POFUT3: variants seen among roughly 807,000 people sequenced by gnomAD.
The protein encoded by POFUT3 is protein O-fucosyltransferase 3, also known as GDP-fucose protein O-fucosyltransferase 3.
the POFUT3 span, among the ~76,000 whole-genome samples, chr8:33,456,459 G>A: frequency 6.6e-6 from 1 of 152,120 alleles, no homozygotes; most frequent in East Asian, 1.9e-4. Context: ...CCGAGTTCAA[G>A]TGATTCTCCT....
chr8:33,389,052 C>A, the POFUT3 span: 1 of 1,614,204 alleles, frequency 6.2e-7, no homozygotes, highest in Non-Finnish European at 8.5e-7. Context: ...ACGTCTTGCA[C>A]TCCCCATTTC....
At chr8:33,316,246 G>A in the POFUT3 span, among the ~76,000 whole-genome samples, 1 of 152,004 alleles carries the variant, frequency 6.6e-6, no homozygotes, top group Non-Finnish European at 1.5e-5. Context: ...GAGAATCCTG[G>A]GGTCAGGAGA....
the POFUT3 span, among the ~76,000 whole-genome samples, chr8:33,440,240 T>C: frequency 3.9e-5 from 6 of 152,142 alleles, no homozygotes; most frequent in African/African-American, 1.2e-4. Flanking sequence ...CATGCGCCTA[T>C]AGTCCTAGCT....
the POFUT3 span, among the ~76,000 whole-genome samples, chr8:33,322,290 G>C: frequency 6.6e-6 from 1 of 152,102 alleles, no homozygotes; most frequent in African/African-American, 2.4e-5. Flanking sequence ...ATTAACATGT[G>C]TAAGACACAG....
chr8:33,376,034 A>AG, the POFUT3 span, among the ~76,000 whole-genome samples: 3 of 151,678 alleles, frequency 2.0e-5, no homozygotes, highest in Non-Finnish European at 2.9e-5. Context: ...AAAAAAAAAA[A>AG]CAACAGGAAA....
chr8:33,458,403 G>C, the POFUT3 span, among the ~76,000 whole-genome samples: 3 of 152,164 alleles, frequency 2.0e-5, no homozygotes, highest in Non-Finnish European at 4.4e-5. Context: ...ATATGGCAAA[G>C]TATTTCATTT....
At chr8:33,363,787 C>G in the POFUT3 span, among the ~76,000 whole-genome samples, 1 of 152,016 alleles carries the variant, frequency 6.6e-6, no homozygotes, top group African/African-American at 2.4e-5. Flanking sequence ...AATAGCTTAC[C>G]AACCAAAAAA....
the POFUT3 span, among the ~76,000 whole-genome samples, chr8:33,375,959 G>A: frequency 5.3e-5 from 8 of 151,072 alleles, no homozygotes; most frequent in African/African-American, 1.9e-4. Context: ...AGAGGTTACA[G>A]TGAGCCAAGA....
At chr8:33,461,187 A>G in the POFUT3 span, among the ~76,000 whole-genome samples, 2 of 114,168 alleles carry the variant, frequency 1.8e-5, no homozygotes, top group Non-Finnish European at 3.4e-5. Context: ...GGAAGGAAGG[A>G]AGGAAGGGAG....
At chr8:33,375,277 A>C in the POFUT3 span, among the ~76,000 whole-genome samples, 1 of 152,164 alleles carries the variant, frequency 6.6e-6, no homozygotes, top group East Asian at 1.9e-4. Flanking sequence ...CAAGAGAATA[A>C]ACTAAGAAAA....
the POFUT3 span, among the ~76,000 whole-genome samples, chr8:33,440,592 A>T: frequency 6.6e-6 from 1 of 152,192 alleles, no homozygotes; most frequent in African/African-American, 2.4e-5. Context: ...ATTATCCCAA[A>T]TCATAACTAT....
the POFUT3 span, among the ~76,000 whole-genome samples, chr8:33,366,985 T>C: frequency 6.6e-6 from 1 of 152,154 alleles, no homozygotes; most frequent in Non-Finnish European, 1.5e-5. Context: ...GGCTCATGCC[T>C]GTAATCCTAG....
the POFUT3 span, among the ~76,000 whole-genome samples, chr8:33,408,574 G>A: frequency 6.6e-6 from 1 of 152,080 alleles, no homozygotes; most frequent in Non-Finnish European, 1.5e-5. Flanking sequence ...ATGATGCTCA[G>A]CCTGGTCTTA....
the POFUT3 span, among the ~76,000 whole-genome samples, chr8:33,318,618 T>C: frequency 1.1e-5 from 1 of 89,902 alleles, no homozygotes; most frequent in African/African-American, 5.9e-5. Context: ...ATATTGTATA[T>C]ATATTTATAT....
the POFUT3 span, among the ~76,000 whole-genome samples, chr8:33,442,609 A>C: frequency 6.7e-6 from 1 of 148,550 alleles, no homozygotes; most frequent in African/African-American, 2.5e-5. Context: ...TAACCAAAAA[A>C]AGGCTACCAG....
chr8:33,456,790 G>A, the POFUT3 span, among the ~76,000 whole-genome samples: 2 of 132,038 alleles, frequency 1.5e-5, no homozygotes, highest in African/African-American at 2.9e-5. Context: ...TTTTTTTTGA[G>A]ACAGAGTCTC....
the POFUT3 span, chr8:33,372,410 G>T: frequency 7.1e-7 from 1 of 1,407,614 alleles, no homozygotes; most frequent in Non-Finnish European, 9.2e-7. Context: ...TACCCCTAAG[G>T]GTAATTTACA....
chr8:33,367,557 G>A, the POFUT3 span, among the ~76,000 whole-genome samples: 1 of 152,168 alleles, frequency 6.6e-6, no homozygotes. Context: ...ATTTCTGTGT[G>A]TGTGTCTTTA....
At chr8:33,317,968 C>T in the POFUT3 span, among the ~76,000 whole-genome samples, 1 of 152,098 alleles carries the variant, frequency 6.6e-6, no homozygotes, top group African/African-American at 2.4e-5. Flanking sequence ...TAAATTATCC[C>T]TTTTGTGCAA....
Sources: gnomAD v4.1 joint callset for allele counts (sites outside exome capture counted in the v4.1 genomes callset) on GRCh38, gnomAD v4.1.1 for gene constraint, MANE v1.5 for transcripts, NCBI Gene and HGNC (gene_info 2026-07-23, HGNC 2026-07-21) for gene names.